NUP133: variants seen among roughly 807,000 people sequenced by gnomAD.
NUP133 encodes nucleoporin 133, also known as nuclear pore complex protein Nup133.
In NUP133, 66 loss-of-function variants were observed where a neutral mutation model predicts 146.2. The ratio of observed to expected loss-of-function variants is 0.45; its 90% CI spans 0.37 to 0.55. The LOEUF is 0.55. NUP133 is among the 20% of genes least tolerant of loss of function. The pLI is 0.00. For missense variants in NUP133, 1,277 were observed against 1,374.8 expected (o/e 0.93, Z 1.12); for synonymous variants, 521 against 498.8 (o/e 1.04, Z -0.59).
chr1:229,462,752 A>G (rs1223649076), intron 19 of NUP133, among the ~76,000 whole-genome samples: 1 of 152,028 alleles, frequency 6.6e-6, no homozygotes. Context: ...GGCAGGGTCT[A>G]TGTTGCCCAG....
intron 8 of NUP133, 73 bp downstream of exon 8, chr1:229,495,422 C>T: frequency 3.9e-6 from 4 of 1,030,822 alleles, no homozygotes; most frequent in Non-Finnish European, 6.0e-6. Flanking sequence ...GATTGCTCAT[C>T]ATTTTATTAT....
rs530139890 is a variant in NUP133, at chr1:229,441,287, T to C, written c.*617A>G. On this transcript the variant is annotated 3_prime_UTR_variant, in exon 26 of 26. Transcript: ENST00000261396. ...GTTAGAAAACCACATAAACGTTTCA[T>C]TCACTAAAATACTTTCATTAGTGCT... is the stretch of plus-strand genomic sequence containing the variant. The C allele has an allele frequency of 1.8e-5, 7 of 386,728 alleles. No individual in the cohort carries two copies. Among genetic ancestry groups the C allele is most frequent in the Admixed American group, 1.6e-4 (5 of 31,064 alleles). 24.0% of individuals were successfully genotyped at this position (386,728 alleles called of 1,614,324 possible).
At chr1:229,462,919 T>C (rs1054506445) in intron 19 of NUP133, among the ~76,000 whole-genome samples, 1 of 152,206 alleles carries the variant, frequency 6.6e-6, no homozygotes, top group African/African-American at 2.4e-5. Flanking sequence ...GGTGTATTTG[T>C]AAAGCTAAGC....
intron 19 of NUP133, among the ~76,000 whole-genome samples, chr1:229,462,747 G>A (rs146406811): frequency 2.5e-3 from 379 of 151,892 alleles, no homozygotes; most frequent in African/African-American, 8.9e-3. Context: ...GTAAAGGCAG[G>A]GTCTATGTTG....
At chr1:229,502,555 T>C (rs537760052) in intron 2 of NUP133, among the ~76,000 whole-genome samples, 1 of 68,532 alleles carries the variant, frequency 1.5e-5, no homozygotes, top group Non-Finnish European at 2.4e-5. Flanking sequence ...CCAGACTCCA[T>C]CTCAAAAAAA....
In NUP133 at chr1:229,466,766, T is replaced by C. The variant is rs748940460; in HGVS notation, c.2077-10A>G. ...TATCTACTTGGGATACCTGAGAGAA[T>C]ACACAGAAGTAAACTACTTACAACA... On this transcript the variant is annotated splice_polypyrimidine_tract_variant and intron_variant, in intron 15 of 25. Coordinates refer to ENST00000261396, the MANE Select transcript of NUP133 (RefSeq NM_018230.3). The C allele has an allele frequency of 6.2e-7, 1 of 1,613,514 alleles. No individual in the cohort carries two copies.
chr1:229,494,876 G>A (rs1473869098), intron 8 of NUP133, among the ~76,000 whole-genome samples: 2 of 152,252 alleles, frequency 1.3e-5, no homozygotes, highest in East Asian at 3.8e-4. Flanking sequence ...AGCCACAGCA[G>A]TGGGCAATGA....
chr1:229,442,767 G>A (rs985853468), intron 25 of NUP133, among the ~76,000 whole-genome samples: 3 of 147,766 alleles, frequency 2.0e-5, no homozygotes, highest in Non-Finnish European at 4.4e-5. Flanking sequence ...AGGCAATGGC[G>A]CGATCTCGGC....
In NUP133 at chr1:229,446,397, A is replaced by G. The variant is rs551141314; in HGVS notation, c.3246-1395T>C. On this transcript the variant is annotated intron_variant, in intron 24 of 25. Transcript: ENST00000261396. ...GCACTCCAGCCTAGGTGACAGAGTG[A>G]GGCTCTGTCTCAAAAACAAAAAACA... 2.1e-4 allele frequency among the ~76,000 whole-genome samples: 32 copies of G among 152,190 alleles called. No homozygotes were observed. In the South Asian group the frequency reaches 6.7e-3, roughly 32 times the overall value.
At chr1:229,454,299 C>T (rs3767325) in intron 21 of NUP133, among the ~76,000 whole-genome samples, 41,224 of 151,930 alleles carry the variant, frequency 0.27, 7,301 homozygotes, top group African/African-American at 0.51. Flanking sequence ...AACTGCTAGG[C>T]AGCCTCATAA....
chr1:229,442,888 G>A (rs1293445080), intron 25 of NUP133, among the ~76,000 whole-genome samples: 2 of 151,930 alleles, frequency 1.3e-5, no homozygotes, highest in Non-Finnish European at 2.9e-5. Flanking sequence ...TGTATTTTTA[G>A]TAGAAATGGT....
chr1:229,483,696 CAAAAAAAAAAAAA>C (rs35673633), intron 12 of NUP133, among the ~76,000 whole-genome samples: 2,548 of 57,648 alleles, frequency 0.044, 98 homozygotes, highest in African/African-American at 0.12. Flanking sequence ...CGGAGTGTCT[CAAAAAAAAAAAAA>C]AAAAAAAAAA....
Position 229,505,878 on chromosome 1 carries a change from ACT to A in NUP133, c.301+160_301+161del, listed in dbSNP as rs1035828511. On this transcript the variant is annotated intron_variant, in intron 2 of 25. Transcript: ENST00000261396. Reference sequence around the variant, plus strand: ...ACTCCAGCCTGGGTGACAGAGTGAGACTCTGTCTCGAAAAAATAAAAATAAAA... The same window carrying A: ...ACTCCAGCCTGGGTGACAGAGTGAGACTGTCTCGAAAAAATAAAAATAAAA... 3.3e-5 allele frequency among the ~76,000 whole-genome samples: 5 copies of A among 151,992 alleles called. 1 individual carries two copies. The highest frequency in any genetic ancestry group is 1.2e-4 in the African/African-American group (5 of 41,342).
chr1:229,450,808 T>C (rs946745911), intron 22 of NUP133: 13 of 264,420 alleles, frequency 4.9e-5, no homozygotes, highest in Non-Finnish European at 7.2e-5. Flanking sequence ...TCACTGAAAC[T>C]TCTGCCTCCC....
chr1:229,481,290 G>A (rs1661206503), intron 12 of NUP133, among the ~76,000 whole-genome samples: 1 of 152,164 alleles, frequency 6.6e-6, no homozygotes, highest in Non-Finnish European at 1.5e-5. Context: ...AGGTTGAATA[G>A]TGTCTCCCAC....
intron 5 of NUP133, among the ~76,000 whole-genome samples, chr1:229,499,416 T>C (rs1661741899): frequency 1.3e-5 from 2 of 152,198 alleles, no homozygotes; most frequent in South Asian, 2.1e-4. Context: ...TTGTCTCTTT[T>C]TGATCCCTCC....
chr1:229,470,554 G>A, intron 15 of NUP133, 26 bp downstream of exon 15: 1 of 1,570,438 alleles, frequency 6.4e-7, no homozygotes, highest in African/African-American at 1.3e-5. Context: ...GTTCTACAAA[G>A]CCACATGAAA....
In NUP133 at chr1:229,463,583, T is replaced by C; in HGVS notation, c.2645A>G (p.Gln882Arg). Residue 882 changes from glutamine to arginine, a missense_variant, in exon 19 of 26, where the codon CAG (glutamine) becomes CGG (arginine). This residue lies in a region of NUP133 where 952 missense variants were observed against 1,047.0 expected (regional missense o/e 0.91). Coordinates refer to ENST00000261396, the MANE Select transcript of NUP133 (RefSeq NM_018230.3). ...GGTCATGTAGCGCTGGAGTCGGCTC[T>C]GGTTGTCAGTCTGCTCACACATTTG... ...LVQMCEQTDN[Q>R]SRLQRYMTQF... 6.2e-7 allele frequency: 1 copy of C among 1,614,118 alleles called. No individual in the cohort carries two copies. Among genetic ancestry groups the C allele is most frequent in the Non-Finnish European group, 8.5e-7 (1 of 1,180,002 alleles).
At chr1:229,466,836 T>G (rs937143708) in intron 15 of NUP133, 80 bp from the exon 16 acceptor site, 1 of 1,390,254 alleles carries the variant, frequency 7.2e-7, no homozygotes, top group African/African-American at 1.4e-5. Flanking sequence ...GTTTTACTCA[T>G]TAAGCCATAT....
Sources: allele counts gnomAD v4.1 joint callset (sites outside exome capture counted in the v4.1 genomes callset), GRCh38; gene constraint gnomAD v4.1.1; regional missense constraint gnomAD v4.1.1; transcripts MANE v1.5; gene names NCBI Gene and HGNC (gene_info 2026-07-23, HGNC 2026-07-21).